The following ADAMTSL1 variants were observed in gnomAD, a reference collection of about 807,000 sequenced individuals.
The protein encoded by ADAMTSL1 is ADAMTS-like protein 1.
A neutral mutation model predicts 201.8 loss-of-function variants in ADAMTSL1; 126 were observed. That is an observed-to-expected ratio of 0.62 (90% CI 0.54 to 0.72). The LOEUF (loss-of-function observed/expected upper bound fraction) is 0.72, where lower values mean the gene tolerates loss of function less well. Ranked by LOEUF, ADAMTSL1 falls within the 30% of genes least tolerant of loss-of-function variation. The pLI is 0.00. For synonymous variants in ADAMTSL1, 1,121 were observed against 903.4 expected, an observed-to-expected ratio of 1.24 and a Z score of -4.32; for missense variants, 2,679 against 2,277.8, an observed-to-expected ratio of 1.18 and a Z score of -3.59.
At chr9:18,055,970 A>G (rs1399150715) in intron 1 of ADAMTSL1, among the ~76,000 whole-genome samples, 2 of 152,216 alleles carry the variant, frequency 1.3e-5, no homozygotes, top group African/African-American at 4.8e-5. Context: ...TACTATTGCA[A>G]CATCCATTTT....
At chr9:18,683,242 T>TTTTTTAGGCA (rs1830621944) in intron 12 of ADAMTSL1, among the ~76,000 whole-genome samples, 1 of 151,388 alleles carries the variant, frequency 6.6e-6, no homozygotes. Flanking sequence ...TTTTTTTTTT[T>TTTTTTAGGCA]GAGACGGAGT....
intron 1 of ADAMTSL1, among the ~76,000 whole-genome samples, chr9:17,938,148 C>G (rs1827090143): frequency 6.6e-6 from 1 of 152,058 alleles, no homozygotes; most frequent in African/African-American, 2.4e-5. Context: ...TAGGTTCCAG[C>G]AAGTAGTTGT....
At chr9:17,931,917 C>T (rs947020988) in intron 1 of ADAMTSL1, among the ~76,000 whole-genome samples, 3 of 152,172 alleles carry the variant, frequency 2.0e-5, no homozygotes, top group African/African-American at 7.2e-5. Context: ...GGTGAATAAT[C>T]ATCTTCCCCT....
intron 2 of ADAMTSL1, among the ~76,000 whole-genome samples, chr9:18,442,192 G>C (rs1220826411): frequency 6.6e-6 from 1 of 152,272 alleles, no homozygotes; most frequent in South Asian, 2.1e-4. Context: ...CAAAGAGTTT[G>C]GTTTAAACTT....
chr9:18,239,269 T>C (rs924716499), intron 2 of ADAMTSL1, among the ~76,000 whole-genome samples: 8 of 152,246 alleles, frequency 5.3e-5, no homozygotes, highest in Non-Finnish European at 1.0e-4. Context: ...CTCTGTAGCA[T>C]GTGATGCTGT....
intron 1 of ADAMTSL1, among the ~76,000 whole-genome samples, chr9:17,936,852 G>C (rs1374202906): frequency 6.6e-6 from 1 of 152,150 alleles, no homozygotes; most frequent in Non-Finnish European, 1.5e-5. Context: ...AGCTGCCAGT[G>C]GTACAGGCAG....
intron 2 of ADAMTSL1, among the ~76,000 whole-genome samples, chr9:18,254,487 C>G (rs1428828895): frequency 6.6e-6 from 1 of 150,422 alleles, no homozygotes; most frequent in Non-Finnish European, 1.5e-5. Flanking sequence ...CTCAGCCTCC[C>G]ACGTAGCTGG....
chr9:18,533,977 A>G (rs1424172670), intron 3 of ADAMTSL1, among the ~76,000 whole-genome samples: 1 of 152,218 alleles, frequency 6.6e-6, no homozygotes, highest in African/African-American at 2.4e-5. Context: ...TGGAGAGGAC[A>G]TAATGGGCAA....
At chr9:18,785,544 T>C (rs1049386158) in intron 19 of ADAMTSL1, among the ~76,000 whole-genome samples, 3 of 152,252 alleles carry the variant, frequency 2.0e-5, no homozygotes, top group African/African-American at 4.8e-5. Flanking sequence ...CTCAGGCACA[T>C]GTGTGGTTAG....
intron 10 of ADAMTSL1, 56 bp from the exon 11 acceptor site, chr9:18,680,256 C>A (rs1830381386): frequency 6.5e-7 from 1 of 1,549,808 alleles, no homozygotes; most frequent in East Asian, 2.3e-5. Flanking sequence ...GGACCAGTCA[C>A]TGAGGAGGCT....
At position 18,785,978 on chromosome 9, in the gene ADAMTSL1, C is replaced by T. The variant is rs187562364; in HGVS notation, c.3677+8072C>T. Among the ~76,000 whole-genome samples, 131 of 152,288 alleles carry T rather than the reference C, an allele frequency of 8.6e-4. 1 individual carries two copies. Among genetic ancestry groups the T allele is most frequent in the African/African-American group, 3.0e-3 (124 of 41,566 alleles). On this transcript the variant is annotated intron_variant, in intron 19 of 28. Transcript: ENST00000380548. The stretch of plus-strand genomic sequence containing the variant: ...CACTGTCAGGGAAGGCCTTGCTTAC[C>T]ACTTAACACTATTGAACCAGGAGTA...
At chr9:18,101,019 C>A (rs1287664571) in intron 1 of ADAMTSL1, among the ~76,000 whole-genome samples, 1 of 152,152 alleles carries the variant, frequency 6.6e-6, no homozygotes, top group Non-Finnish European at 1.5e-5. Context: ...TGGGGATATG[C>A]TGTCACATAC....
In ADAMTSL1 at chr9:18,537,722, A is replaced by G. The variant is rs144880125; in HGVS notation, c.237+4430A>G. Reference sequence around the variant, plus strand: ...AAGACCTTGTTTCTACAAAACAAAAACCAAATATTAGCATGCTGGTGTGCA... The same window carrying G: ...AAGACCTTGTTTCTACAAAACAAAAGCCAAATATTAGCATGCTGGTGTGCA... On this transcript the variant is annotated intron_variant, in intron 3 of 28. Coordinates refer to ENST00000380548, the MANE Select transcript of ADAMTSL1 (RefSeq NM_001040272.6). 4.2e-4 allele frequency among the ~76,000 whole-genome samples: 64 copies of G among 151,932 alleles called. 1 individual carries two copies. Among genetic ancestry groups the G allele is most frequent in the African/African-American group, 1.5e-3 (63 of 41,416 alleles).
At chr9:17,981,076 C>T (rs1471068622) in intron 1 of ADAMTSL1, among the ~76,000 whole-genome samples, 1 of 152,192 alleles carries the variant, frequency 6.6e-6, no homozygotes, top group African/African-American at 2.4e-5. Flanking sequence ...AGATACTTCC[C>T]GTTAGGTCCT....
At chr9:18,514,621 C>A (rs1261994467) in intron 2 of ADAMTSL1, among the ~76,000 whole-genome samples, 1 of 152,124 alleles carries the variant, frequency 6.6e-6, no homozygotes. Context: ...TGAGCCACCA[C>A]GCCCAGCCTG....
At chr9:18,658,946 C>G (rs1481010805) in intron 8 of ADAMTSL1, among the ~76,000 whole-genome samples, 1 of 152,222 alleles carries the variant, frequency 6.6e-6, no homozygotes, top group African/African-American at 2.4e-5. Flanking sequence ...TATTGGCACA[C>G]ATTACCAAAT....
intron 1 of ADAMTSL1, among the ~76,000 whole-genome samples, chr9:18,001,944 G>C (rs2131533173): frequency 6.6e-6 from 1 of 152,080 alleles, no homozygotes; most frequent in Admixed American, 6.5e-5. Flanking sequence ...GAAGGAAGTT[G>C]ATAGGAAATG....
At chr9:18,169,098 T>G (rs1311372827) in intron 2 of ADAMTSL1, among the ~76,000 whole-genome samples, 2 of 131,190 alleles carry the variant, frequency 1.5e-5, no homozygotes, top group Non-Finnish European at 3.3e-5. Flanking sequence ...TGATGGTAGT[T>G]TGTTTTGCTG....
intron 1 of ADAMTSL1, among the ~76,000 whole-genome samples, chr9:18,133,578 G>A (rs1435369105): frequency 1.3e-5 from 2 of 152,124 alleles, no homozygotes; most frequent in East Asian, 3.9e-4. Flanking sequence ...CTGATGTTCA[G>A]GCTGTATACC....
Sources: allele counts gnomAD v4.1 joint callset (sites outside exome capture counted in the v4.1 genomes callset), GRCh38; gene constraint gnomAD v4.1.1; transcripts MANE v1.5; gene names NCBI Gene and HGNC (gene_info 2026-07-23, HGNC 2026-07-21).